Variants in PDZRN4 observed in about 807,000 individuals in gnomAD.
PDZRN4 encodes PDZ domain containing ring finger 4, also known as PDZ domain-containing RING finger protein 4.
In PDZRN4, 70 loss-of-function variants were observed where a neutral mutation model predicts 99.0. That is an observed-to-expected ratio of 0.71 (90% CI 0.58 to 0.86). The LOEUF is 0.86. PDZRN4 is among the 40% of genes least tolerant of loss of function. The pLI is 0.00. For synonymous variants in PDZRN4, 551 were observed against 501.6 expected (o/e 1.10, Z -1.32); for missense variants, 1,474 against 1,331.2 (o/e 1.11, Z -1.67).
chr12:41,492,606 GT>G (rs1387385932), intron 3 of PDZRN4, among the ~76,000 whole-genome samples: 1 of 152,084 alleles, frequency 6.6e-6, no homozygotes, highest in Non-Finnish European at 1.5e-5. Context: ...GGAAGGAACT[GT>G]TTAATGCCAA....
rs11180830 is a variant in PDZRN4, at chr12:41,331,416, C to A, written c.843+137228C>A. On this transcript the variant is annotated intron_variant, in intron 3 of 9. Coordinates refer to ENST00000402685, the MANE Select transcript of PDZRN4 (RefSeq NM_001164595.2). Reference sequence around the variant, plus strand: ...AAATGTTAGTGGATATGAAGGGCTACAACTAGAAATGGGAAAAAAAGAGCT... The same window carrying A: ...AAATGTTAGTGGATATGAAGGGCTAAAACTAGAAATGGGAAAAAAAGAGCT... Among the ~76,000 whole-genome samples the A allele has an allele frequency of 3.9e-3, 585 of 151,376 alleles. 18 individuals are homozygous for A. The East Asian group carries it at 0.091, about 24-fold the overall frequency.
chr12:41,478,659 A>G (rs1937627863), intron 3 of PDZRN4, among the ~76,000 whole-genome samples: 1 of 152,200 alleles, frequency 6.6e-6, no homozygotes, highest in Admixed American at 6.5e-5. Flanking sequence ...TTTTATATGG[A>G]GGAACAAATA....
chr12:41,361,035 T>C (rs987787858), intron 3 of PDZRN4, among the ~76,000 whole-genome samples: 2 of 151,792 alleles, frequency 1.3e-5, no homozygotes, highest in Non-Finnish European at 2.9e-5. Context: ...AAATGCATGC[T>C]TACACACACA....
At chr12:41,296,441 C>T (rs915371768) in intron 3 of PDZRN4, among the ~76,000 whole-genome samples, 5 of 152,122 alleles carry the variant, frequency 3.3e-5, no homozygotes, top group African/African-American at 1.2e-4. Context: ...GTAACTTCTT[C>T]TTATTATAAA....
At chr12:41,243,573 CAGAT>C (rs1294138142) in intron 3 of PDZRN4, among the ~76,000 whole-genome samples, 6 of 152,020 alleles carry the variant, frequency 3.9e-5, no homozygotes, top group Non-Finnish European at 8.8e-5. Context: ...TATTTAAAGC[CAGAT>C]AGATCTATTG....
intron 3 of PDZRN4, among the ~76,000 whole-genome samples, chr12:41,299,352 T>G (rs1006164640): frequency 1.3e-5 from 2 of 152,236 alleles, no homozygotes; most frequent in Non-Finnish European, 2.9e-5. Context: ...GAGTTAGATT[T>G]TTCCTCTCTT....
At chr12:41,305,869 G>T (rs1951566374) in intron 3 of PDZRN4, among the ~76,000 whole-genome samples, 1 of 152,072 alleles carries the variant, frequency 6.6e-6, no homozygotes, top group African/African-American at 2.4e-5. Context: ...TAAGTCTAAA[G>T]TCCAGAGTCT....
chr12:41,235,669 A>C (rs539755772), intron 3 of PDZRN4, among the ~76,000 whole-genome samples: 39 of 152,342 alleles, frequency 2.6e-4, no homozygotes, highest in Non-Finnish European at 4.3e-4. Flanking sequence ...TCAATTTTTA[A>C]ATGCTGGTTT....
chr12:41,442,871 A>C (rs1952691842), intron 3 of PDZRN4, among the ~76,000 whole-genome samples: 1 of 152,176 alleles, frequency 6.6e-6, no homozygotes, highest in Admixed American at 6.5e-5. Context: ...AGAAAGGCTA[A>C]GAAATAAATA....
intron 3 of PDZRN4, among the ~76,000 whole-genome samples, chr12:41,383,072 T>A (rs1242717832): frequency 6.6e-6 from 1 of 152,234 alleles, no homozygotes; most frequent in African/African-American, 2.4e-5. Flanking sequence ...GATTTTGTAA[T>A]GCATTGAGCC....
intron 3 of PDZRN4, among the ~76,000 whole-genome samples, chr12:41,358,604 A>G (rs1592026799): frequency 6.6e-6 from 1 of 151,984 alleles, no homozygotes; most frequent in African/African-American, 2.4e-5. Context: ...CTGATTTCAA[A>G]CCTACTTACC....
chr12:41,219,866 T>C (rs759206327), intron 3 of PDZRN4, among the ~76,000 whole-genome samples: 3 of 152,160 alleles, frequency 2.0e-5, no homozygotes, highest in Non-Finnish European at 4.4e-5. Flanking sequence ...CTTCTGCTAC[T>C]GATATAACCA....
At chr12:41,456,198 A>G (rs1308043858) in intron 3 of PDZRN4, among the ~76,000 whole-genome samples, 1 of 152,214 alleles carries the variant, frequency 6.6e-6, no homozygotes, top group Non-Finnish European at 1.5e-5. Context: ...GACAAAGTCC[A>G]GTTATCCCAG....
chr12:41,554,150 A>C (rs1316162893), intron 6 of PDZRN4, among the ~76,000 whole-genome samples: 1 of 152,184 alleles, frequency 6.6e-6, no homozygotes, highest in African/African-American at 2.4e-5. Flanking sequence ...GATTAGGGTG[A>C]GGAAGTATAA....
intron 5 of PDZRN4, among the ~76,000 whole-genome samples, chr12:41,526,636 CT>C (rs547535085): frequency 8.6e-4 from 131 of 152,166 alleles, no homozygotes; most frequent in African/African-American, 3.1e-3. Flanking sequence ...TTTTTCACTG[CT>C]TTTTAAGTTT....
chr12:41,505,828 G>A (rs1006852440), intron 3 of PDZRN4, among the ~76,000 whole-genome samples: 12 of 151,852 alleles, frequency 7.9e-5, no homozygotes, highest in Admixed American at 5.3e-4. Flanking sequence ...ATATAAAGCC[G>A]GAATCTTGTG....
intron 3 of PDZRN4, among the ~76,000 whole-genome samples, chr12:41,459,496 C>A (rs1394851180): frequency 6.6e-6 from 1 of 152,184 alleles, no homozygotes; most frequent in Admixed American, 6.5e-5. Context: ...CGTATTTAAG[C>A]CTTCTTACCC....
chr12:41,196,102 GT>G (rs966191991), intron 3 of PDZRN4, among the ~76,000 whole-genome samples: 5 of 151,608 alleles, frequency 3.3e-5, no homozygotes, highest in African/African-American at 1.2e-4. Context: ...CAAACCTACT[GT>G]TTTTTTTAAA....
intron 3 of PDZRN4, among the ~76,000 whole-genome samples, chr12:41,216,727 T>C (rs941286875): frequency 7.2e-5 from 11 of 152,080 alleles, no homozygotes; most frequent in African/African-American, 2.7e-4. Flanking sequence ...AATTAATTTA[T>C]TTGATTAATC....
Sources: allele counts gnomAD v4.1 joint callset (sites outside exome capture counted in the v4.1 genomes callset), GRCh38; gene constraint gnomAD v4.1.1; transcripts MANE v1.5; gene names NCBI Gene and HGNC (gene_info 2026-07-23, HGNC 2026-07-21).